RBFOX1: variants seen among roughly 807,000 people sequenced by gnomAD.
The protein encoded by RBFOX1 is RNA binding protein fox-1 homolog 1.
Under a neutral mutation model 57.7 loss-of-function variants are expected in RBFOX1, and 8 were observed. The ratio of observed to expected loss-of-function variants is 0.14; its 90% confidence interval spans 0.08 to 0.25. The LOEUF (loss-of-function observed/expected upper bound fraction) is 0.25. Ranked by LOEUF, RBFOX1 falls within the 10% of genes least tolerant of loss-of-function variation. The pLI, the probability that RBFOX1 is intolerant of heterozygous loss-of-function variation, is 1.00. For synonymous variants in RBFOX1, 326 were observed against 222.4 expected (o/e 1.47, Z -4.15); for missense variants, 611 against 548.5 (o/e 1.11, Z -1.14).
chr16:6,144,057 C>A (rs1035463096), intron 1 of RBFOX1, among the ~76,000 whole-genome samples: 1 of 151,566 alleles, frequency 6.6e-6, no homozygotes, highest in East Asian at 1.9e-4. Context: ...CCTCAGCCTC[C>A]CAAAATGTTG....
chr16:6,894,330 C>G (rs993629303), intron 3 of RBFOX1, among the ~76,000 whole-genome samples: 1 of 152,134 alleles, frequency 6.6e-6, no homozygotes, highest in African/African-American at 2.4e-5. Context: ...CCAGATAGCT[C>G]TGTGTTCTGT....
chr16:7,325,083 T>A (rs1376548395), intron 4 of RBFOX1, among the ~76,000 whole-genome samples: 1 of 152,116 alleles, frequency 6.6e-6, no homozygotes, highest in Non-Finnish European at 1.5e-5. Flanking sequence ...CAATTAGCGG[T>A]TGAAGGGAGG....
chr16:7,282,920 T>C (rs977532742), intron 4 of RBFOX1, among the ~76,000 whole-genome samples: 2 of 152,212 alleles, frequency 1.3e-5, no homozygotes. Context: ...TTCATTACTT[T>C]TTTATGGTTG....
intron 4 of RBFOX1, among the ~76,000 whole-genome samples, chr16:7,242,141 C>G (rs1368307654): frequency 3.3e-5 from 5 of 152,116 alleles, no homozygotes; most frequent in African/African-American, 1.2e-4. Context: ...TTGCTTGGCA[C>G]ACATGCGCAC....
At chr16:5,541,277 C>G (rs915424942) in intron 2 of RBFOX1, among the ~76,000 whole-genome samples, 2 of 152,058 alleles carry the variant, frequency 1.3e-5, no homozygotes, top group Admixed American at 6.6e-5. Flanking sequence ...ATTGTGAACG[C>G]TGAAAATCTG....
intron 13 of RBFOX1, among the ~76,000 whole-genome samples, chr16:7,667,480 C>A (rs1029597336): frequency 1.1e-4 from 17 of 152,082 alleles, no homozygotes; most frequent in African/African-American, 2.2e-4. Context: ...TGGAAATATC[C>A]CCAAGCTTCG....
chr16:6,079,058 C>A (rs867332574), intron 1 of RBFOX1, among the ~76,000 whole-genome samples: 1 of 152,140 alleles, frequency 6.6e-6, no homozygotes, highest in Admixed American at 6.5e-5. Flanking sequence ...GTTGTAATCC[C>A]AGCACTTTGG....
intron 1 of RBFOX1, among the ~76,000 whole-genome samples, chr16:6,202,028 C>A (rs960375266): frequency 6.6e-6 from 1 of 152,082 alleles, no homozygotes; most frequent in African/African-American, 2.4e-5. Context: ...ACCTTGAATG[C>A]AAACCAGCCC....
intron 2 of RBFOX1, among the ~76,000 whole-genome samples, chr16:6,394,085 G>C (rs1032061725): frequency 7.2e-5 from 11 of 152,142 alleles, no homozygotes; most frequent in African/African-American, 2.7e-4. Flanking sequence ...CCATGACTGT[G>C]CATCTCCACT....
At chr16:6,419,300 C>G (rs867570170) in intron 2 of RBFOX1, among the ~76,000 whole-genome samples, 2 of 152,124 alleles carry the variant, frequency 1.3e-5, no homozygotes, top group African/African-American at 2.4e-5. Flanking sequence ...CTTTGCCTGA[C>G]TGGCCTGGAA....
intron 4 of RBFOX1, among the ~76,000 whole-genome samples, chr16:5,891,029 A>T (rs1296970910): frequency 6.6e-6 from 1 of 152,192 alleles, no homozygotes; most frequent in Non-Finnish European, 1.5e-5. Context: ...TGGTGAGAAG[A>T]TGCGTGCAAA....
intron 3 of RBFOX1, among the ~76,000 whole-genome samples, chr16:6,786,901 T>A (rs1222363754): frequency 1.3e-5 from 1 of 78,422 alleles, no homozygotes; most frequent in Non-Finnish European, 2.2e-5. Flanking sequence ...GCAGGCTTTT[T>A]TACTTTTAAA....
At chr16:7,686,618 ATTTG>A (rs756551437) in intron 14 of RBFOX1, among the ~76,000 whole-genome samples, 8 of 152,098 alleles carry the variant, frequency 5.3e-5, no homozygotes, top group South Asian at 2.1e-4. Flanking sequence ...ATGACTTCAC[ATTTG>A]TTTCTCATTC....
chr16:5,965,232 A>G (rs1161643996), intron 4 of RBFOX1, among the ~76,000 whole-genome samples: 2 of 152,204 alleles, frequency 1.3e-5, no homozygotes, highest in Non-Finnish European at 1.5e-5. Flanking sequence ...AAAATACAGT[A>G]TAGTGACTAT....
At chr16:6,857,349 C>G (rs1473532885) in intron 3 of RBFOX1, among the ~76,000 whole-genome samples, 1 of 152,136 alleles carries the variant, frequency 6.6e-6, no homozygotes, top group East Asian at 1.9e-4. Context: ...TGGGTAGCAT[C>G]TAAGTGCTCA....
At chr16:6,731,291 G>C (rs982445523) in intron 3 of RBFOX1, among the ~76,000 whole-genome samples, 52 of 152,130 alleles carry the variant, frequency 3.4e-4, no homozygotes, top group African/African-American at 1.3e-3. Context: ...AACTAAAAAG[G>C]ACACAAAAAT....
chr16:5,810,257 A>G (rs540301509), intron 3 of RBFOX1, among the ~76,000 whole-genome samples: 48 of 152,256 alleles, frequency 3.2e-4, no homozygotes, highest in Middle Eastern at 6.8e-3. Flanking sequence ...GCACACCAGA[A>G]TGGCACATGT....
intron 3 of RBFOX1, among the ~76,000 whole-genome samples, chr16:5,667,918 T>C (rs867164378): frequency 1.3e-5 from 2 of 152,142 alleles, no homozygotes; most frequent in Admixed American, 1.3e-4. Context: ...CTGCAAAGAC[T>C]GAGAGATCTA....
At chr16:5,803,996 C>G (rs915868439) in intron 3 of RBFOX1, among the ~76,000 whole-genome samples, 3 of 152,152 alleles carry the variant, frequency 2.0e-5, no homozygotes, top group African/African-American at 7.2e-5. Flanking sequence ...AAGCCCAGCT[C>G]AGAGATTTCC....
Sources: allele counts gnomAD v4.1 joint callset (sites outside exome capture counted in the v4.1 genomes callset), GRCh38; gene constraint gnomAD v4.1.1; transcripts MANE v1.5; gene names NCBI Gene and HGNC (gene_info 2026-07-23, HGNC 2026-07-21).